Variants in UNC79 observed in about 807,000 individuals in gnomAD.
UNC79 encodes the protein protein unc-79 homolog.
A neutral mutation model predicts 283.1 loss-of-function variants in UNC79; 37 were observed. The observed-to-expected ratio is 0.13, with a 90% CI of 0.10 to 0.17. UNC79 has a LOEUF of 0.17. Among genes scored for constraint, UNC79 ranks in the 10% least tolerant of loss-of-function variants. UNC79 has a pLI of 1.00. For synonymous variants in UNC79, 1,107 were observed against 1,200.2 expected, an observed-to-expected ratio of 0.92 and a Z score of 1.61; for missense variants, 2,272 against 3,211.1, an observed-to-expected ratio of 0.71 and a Z score of 7.07.
At chr14:93,470,121 C>T (rs749845750) in intron 2 of UNC79, among the ~76,000 whole-genome samples, 24 of 152,138 alleles carry the variant, frequency 1.6e-4, no homozygotes, top group African/African-American at 5.6e-4. Flanking sequence ...GATGAATTCT[C>T]ACGAAGTAAC....
chr14:93,466,648 C>T (rs188980670), intron 1 of UNC79, among the ~76,000 whole-genome samples: 92 of 152,316 alleles, frequency 6.0e-4, no homozygotes, highest in African/African-American at 2.1e-3. Flanking sequence ...TTGGGAACAG[C>T]AGGCCTTGCT....
Position 93,453,351 on chromosome 14 carries a change from C to T in UNC79, c.23-14320C>T, listed in dbSNP as rs1373353618. ...TAAAGAATGATTCATAGTTATCAGC[C>T]TTCGTATATCCCCGAAATTATTTGA... On this transcript the variant is annotated intron_variant, in intron 1 of 48. Coordinates refer to ENST00000555664, the Ensembl canonical transcript of UNC79. Among the ~76,000 whole-genome samples, 5 of 152,100 alleles carry T rather than the reference C, an allele frequency of 3.3e-5. No homozygotes were observed. The East Asian group carries it at 9.6e-4, about 29-fold the overall frequency.
intron 8 of UNC79, among the ~76,000 whole-genome samples, chr14:93,525,292 A>G (rs28608173): frequency 0.52 from 79,413 of 151,740 alleles, 21,236 homozygotes; most frequent in Admixed American, 0.63. Flanking sequence ...TAAAAGTACA[A>G]TAAAAAATAA....
chr14:93,604,698 A>C (rs1271510672), intron 26 of UNC79, among the ~76,000 whole-genome samples, 198 bp from the exon 27 acceptor site: 2 of 152,220 alleles, frequency 1.3e-5, no homozygotes, highest in Non-Finnish European at 2.9e-5. Flanking sequence ...TTGAAGATGA[A>C]GTAACATTGA....
intron 1 of UNC79, among the ~76,000 whole-genome samples, chr14:93,386,815 T>C (rs1475865061): frequency 6.6e-6 from 1 of 152,062 alleles, no homozygotes; most frequent in Non-Finnish European, 1.5e-5. Flanking sequence ...TCTCTCTTTT[T>C]TTCTTAGTGT....
intron 14 of UNC79, among the ~76,000 whole-genome samples, chr14:93,565,285 G>A (rs1016052958): frequency 6.6e-6 from 1 of 152,180 alleles, no homozygotes; most frequent in African/African-American, 2.4e-5. Context: ...TCTTCTTGCT[G>A]CATTTTGTTG....
intron 26 of UNC79, among the ~76,000 whole-genome samples, chr14:93,604,110 C>T (rs1485089893): frequency 6.6e-6 from 1 of 151,986 alleles, no homozygotes; most frequent in African/African-American, 2.4e-5. Flanking sequence ...AGTAATGACT[C>T]ATGAAGGACA....
intron 5 of UNC79, among the ~76,000 whole-genome samples, chr14:93,495,491 G>C (rs2058977476): frequency 6.6e-6 from 1 of 152,118 alleles, no homozygotes; most frequent in African/African-American, 2.4e-5. Flanking sequence ...TTTGGGTGGG[G>C]ACACAGCTTA....
At chr14:93,356,090 C>T (rs1595381115) in intron 1 of UNC79, among the ~76,000 whole-genome samples, 1 of 146,322 alleles carries the variant, frequency 6.8e-6, no homozygotes, top group Non-Finnish European at 1.5e-5. Context: ...TGCAGTGATG[C>T]GATTTAGGCT....
chr14:93,603,479 G>A (rs142021584), intron 26 of UNC79, 61 bp downstream of exon 26: 2 of 1,560,218 alleles, frequency 1.3e-6, no homozygotes, highest in East Asian at 2.3e-5. Flanking sequence ...AGGCTGACTT[G>A]TCTTGTTGAA....
chr14:93,577,526 C>T (rs1453329144), intron 17 of UNC79, among the ~76,000 whole-genome samples: 5 of 152,018 alleles, frequency 3.3e-5, no homozygotes, highest in African/African-American at 4.8e-5. Context: ...TCTCATTTTT[C>T]GGGGTACAAT....
chr14:93,348,836 A>G (rs902450370), intron 1 of UNC79, among the ~76,000 whole-genome samples: 1 of 152,190 alleles, frequency 6.6e-6, no homozygotes, highest in Non-Finnish European at 1.5e-5. Context: ...TCTTGAAGTG[A>G]TGTTGTGGAA....
chr14:93,350,048 T>C (rs1321615423), intron 1 of UNC79, among the ~76,000 whole-genome samples: 3 of 152,196 alleles, frequency 2.0e-5, no homozygotes, highest in Non-Finnish European at 4.4e-5. Flanking sequence ...GGGTCATTTC[T>C]AACTAAGAAA....
intron 35 of UNC79, among the ~76,000 whole-genome samples, chr14:93,648,236 T>G (rs927034888): frequency 3.3e-5 from 5 of 152,206 alleles, no homozygotes; most frequent in African/African-American, 1.2e-4. Flanking sequence ...ACATGAACAC[T>G]TGTTAAGAGA....
rs568532440 is a variant in UNC79 at position 93,574,616 on chromosome 14, C to G, written c.2071-442C>G. 1.2e-4 allele frequency among the ~76,000 whole-genome samples: 18 copies of G among 152,064 alleles called. No homozygotes were observed. In the East Asian group the frequency reaches 3.5e-3, roughly 29 times the overall value. ...TCTGAAGGAAGAAGGCATTTTTTTCCAGAAAATTAATGACAGAGAAAGTGA... is the reference window on the plus strand; with the variant it reads ...TCTGAAGGAAGAAGGCATTTTTTTCGAGAAAATTAATGACAGAGAAAGTGA... On this transcript the variant is annotated intron_variant, in intron 16 of 48. Coordinates refer to ENST00000555664, the Ensembl canonical transcript of UNC79.
At chr14:93,638,559 T>C (rs2068718039) in intron 32 of UNC79, among the ~76,000 whole-genome samples, 1 of 152,242 alleles carries the variant, frequency 6.6e-6, no homozygotes, top group Non-Finnish European at 1.5e-5. Flanking sequence ...TAATTTTTCC[T>C]GTCTCCAAGA....
At chr14:93,355,235 C>G (rs2054062384) in intron 1 of UNC79, among the ~76,000 whole-genome samples, 1 of 151,990 alleles carries the variant, frequency 6.6e-6, no homozygotes, top group South Asian at 2.1e-4. Flanking sequence ...GCTCTTTCGC[C>G]CAGGCTGGAG....
chr14:93,617,338 A>G lies in UNC79; in HGVS notation c.4224+34A>G, dbSNP rs377329955. 78 of 1,609,210 alleles carry G rather than the reference A, an allele frequency of 4.8e-5. No homozygotes were observed. Among genetic ancestry groups the G allele is most frequent in the Middle Eastern group, 1.7e-4 (1 of 6,054 alleles). Reference sequence around the variant, plus strand: ...GGTGGTCACTGCTGTTTTGGATGCAATGGTTCTCTTAGAGAGCATATAGCA... The same window carrying G: ...GGTGGTCACTGCTGTTTTGGATGCAGTGGTTCTCTTAGAGAGCATATAGCA... On this transcript the variant is annotated intron_variant, in intron 28 of 48. Coordinates refer to ENST00000555664, the Ensembl canonical transcript of UNC79. The surrounding 1 kb of genome is among the most constrained non-coding windows in gnomAD (Gnocchi z 4.5).
At chr14:93,461,499 G>A (rs1377934123) in intron 1 of UNC79, among the ~76,000 whole-genome samples, 1 of 150,686 alleles carries the variant, frequency 6.6e-6, no homozygotes, top group East Asian at 1.9e-4. Flanking sequence ...GACCTCTTTT[G>A]TTTTTTTTTC....
Sources: allele counts gnomAD v4.1 joint callset (sites outside exome capture counted in the v4.1 genomes callset), GRCh38; gene constraint gnomAD v4.1.1; non-coding constraint Gnocchi (gnomAD v3.1); transcripts MANE v1.5; gene names NCBI Gene and HGNC (gene_info 2026-07-23, HGNC 2026-07-21).